Variants in CFAP46 observed in about 807,000 individuals in gnomAD.
The protein encoded by CFAP46 is cilia and flagella associated protein 46.
Under a neutral mutation model 325.7 loss-of-function variants are expected in CFAP46, and 245 were observed. The observed-to-expected ratio is 0.75, with a 90% CI of 0.68 to 0.84. The LOEUF (loss-of-function observed/expected upper bound fraction) is 0.84. Ranked by LOEUF, CFAP46 falls within the 40% of genes least tolerant of loss-of-function variation. The pLI is 0.00. For synonymous variants in CFAP46, 1,523 were observed against 1,495.9 expected, an observed-to-expected ratio of 1.02 and a Z score of -0.42; for missense variants, 3,346 against 3,543.0, an observed-to-expected ratio of 0.94 and a Z score of 1.41.
chr10:132,823,776 GT>G (rs1847954193), intron 50 of CFAP46, among the ~76,000 whole-genome samples: 1 of 104,150 alleles, frequency 9.6e-6, no homozygotes, highest in Non-Finnish European at 2.2e-5. Context: ...GCTGTGTGCT[GT>G]GTGTGCACTG....
intron 33 of CFAP46, among the ~76,000 whole-genome samples, chr10:132,868,546 A>T (rs1288773322): frequency 6.6e-6 from 1 of 152,218 alleles, no homozygotes; most frequent in African/African-American, 2.4e-5. Context: ...CCGCTAAGTG[A>T]AAGGGTATAG....
intron 50 of CFAP46, among the ~76,000 whole-genome samples, chr10:132,824,041 CTGATGTGTGCTG>C (rs2134906211): frequency 9.1e-6 from 1 of 109,352 alleles, no homozygotes; most frequent in South Asian, 3.4e-4. Flanking sequence ...CTGATGTGTG[CTGATGTGTGCTG>C]TGTGTGCTGA....
chr10:132,863,959 C>T (rs561779597), intron 35 of CFAP46, among the ~76,000 whole-genome samples: 3 of 148,096 alleles, frequency 2.0e-5, no homozygotes, highest in Admixed American at 2.0e-4. Flanking sequence ...CTGCACACAC[C>T]TGTCCCTCTG....
At chr10:132,937,500 G>C (rs762173559) in intron 6 of CFAP46, 52 bp downstream of exon 6, 16 of 1,606,752 alleles carry the variant, frequency 1.0e-5, no homozygotes, top group Non-Finnish European at 1.4e-5. Flanking sequence ...TCTGAACAAT[G>C]ACTTTTAAGA....
intron 44 of CFAP46, among the ~76,000 whole-genome samples, chr10:132,837,707 A>ACG (rs1848282966): frequency 6.9e-6 from 1 of 144,820 alleles, no homozygotes; most frequent in African/African-American, 2.6e-5. Flanking sequence ...ATGCACACAC[A>ACG]CAGACATGCA....
At chr10:132,831,807 T>C (rs1265151805) in intron 50 of CFAP46, among the ~76,000 whole-genome samples, 1 of 152,120 alleles carries the variant, frequency 6.6e-6, no homozygotes, top group African/African-American at 2.4e-5. Context: ...CTCTGTTCCC[T>C]TTTTTTCTGT....
At chr10:132,887,283 TCC>T (rs1449866870) in intron 25 of CFAP46, among the ~76,000 whole-genome samples, 2 of 93,300 alleles carry the variant, frequency 2.1e-5, no homozygotes, top group South Asian at 4.4e-4. Context: ...TCCTCTCTCC[TCC>T]CCTCTTCTTT....
In CFAP46 at chr10:132,904,120, C is replaced by T. The variant is rs79791484; in HGVS notation, c.2924+4348G>A. ...GAGTTTCTACACATAATTTTCAAAA[C>T]GGAAAGAAATTAGAATGAAGAACTG... On this transcript the variant is annotated intron_variant, in intron 22 of 57. Coordinates refer to ENST00000368586, the MANE Select transcript of CFAP46 (RefSeq NM_001200049.3). Among the ~76,000 whole-genome samples, 30 of 152,284 alleles carry T rather than the reference C, an allele frequency of 2.0e-4. No homozygotes were observed. The East Asian group carries it at 3.3e-3, about 17-fold the overall frequency.
rs1321699504 is a variant in CFAP46, at chr10:132,934,811, C to A, written c.807G>T (p.Lys269Asn). The change falls in exon 8 of 58, where the codon AAG becomes AAT. Residue 269 changes from lysine to asparagine, a missense_variant. Physicochemically the swap from Lys to Asn is moderately conservative, Grantham distance 94 (BLOSUM62 0). Coordinates refer to ENST00000368586, the MANE Select transcript of CFAP46 (RefSeq NM_001200049.3). The part of the protein sequence containing the change: ...LPGDISVILR[K>N]AYRHLGHYNH... ...TGTAATGACCTAAGTGTCTGTAGGC[C>A]TTCCTCAGAATGACACTGATGTCAC... The A allele has an allele frequency of 1.9e-6, 3 of 1,613,132 alleles. No homozygotes were observed. In the African/African-American group the frequency reaches 4.0e-5, roughly 22 times the overall value.
chr10:132,919,719 C>T lies in CFAP46; in HGVS notation c.1731-277G>A, dbSNP rs937444715. On this transcript the variant is annotated intron_variant, in intron 14 of 57. Transcript: ENST00000368586. The surrounding 1 kb of genome is among the most constrained non-coding windows in gnomAD (Gnocchi z 9.7). Reference sequence around the variant, plus strand: ...ACAATCCACTCCCCGGGGGAGTGCACGGGACAGGCCTCCCGGGGATGGTAC... The same window carrying T: ...ACAATCCACTCCCCGGGGGAGTGCATGGGACAGGCCTCCCGGGGATGGTAC... Among the ~76,000 whole-genome samples the T allele has an allele frequency of 9.2e-5, 14 of 152,094 alleles. No individual in the cohort carries two copies. Among genetic ancestry groups the T allele is most frequent in the Non-Finnish European group, 1.5e-5 (1 of 67,960 alleles).
intron 35 of CFAP46, among the ~76,000 whole-genome samples, chr10:132,864,343 CA>C (rs1301793167): frequency 1.2e-4 from 15 of 127,634 alleles, no homozygotes; most frequent in Admixed American, 1.5e-4. Context: ...CACCTGTCCC[CA>C]GTGCCTGAGA....
intron 32 of CFAP46, chr10:132,872,452 T>C (rs184620258): frequency 0.013 from 7,219 of 540,724 alleles, 128 homozygotes; most frequent in Middle Eastern, 0.053. Flanking sequence ...AGAGATGGGG[T>C]CTTGCTATGT....
In CFAP46 at chr10:132,938,572, C is replaced by T. The variant is rs186435333; in HGVS notation, c.536+17G>A. The T allele has an allele frequency of 3.6e-5, 58 of 1,609,858 alleles. No individual in the cohort carries two copies. In the African/African-American group the frequency reaches 5.3e-4, roughly 15 times the overall value. ...GCCCACCGGGAGGCCACAGAGGGCA[C>T]GGCGAGCTCAACTCACAGCATCAGC... On this transcript the variant is annotated intron_variant, in intron 5 of 57. Coordinates refer to ENST00000368586, the MANE Select transcript of CFAP46 (RefSeq NM_001200049.3).
intron 12 of CFAP46, 41 bp downstream of exon 12, chr10:132,922,439 G>A (rs1564801853): frequency 6.6e-7 from 1 of 1,507,050 alleles, no homozygotes; most frequent in Non-Finnish European, 8.9e-7. Context: ...CCCATGCTGG[G>A]GCTGCAGCAC....
At chr10:132,913,859 G>T (rs1004891081) in intron 17 of CFAP46, among the ~76,000 whole-genome samples, 1 of 150,344 alleles carries the variant, frequency 6.7e-6, no homozygotes, top group African/African-American at 2.5e-5. Flanking sequence ...CGGCCTGCGC[G>T]CTCCACCTGA....
intron 44 of CFAP46, among the ~76,000 whole-genome samples, chr10:132,845,140 A>G (rs906490258): frequency 3.3e-5 from 5 of 152,162 alleles, no homozygotes; most frequent in Admixed American, 2.0e-4. Context: ...CGGCAGGGCC[A>G]TGTGCATCAG....
intron 39 of CFAP46, among the ~76,000 whole-genome samples, chr10:132,855,042 G>T (rs141471084): frequency 1.3e-5 from 2 of 151,766 alleles, no homozygotes; most frequent in Non-Finnish European, 2.9e-5. Context: ...AGGTCATATT[G>T]GTTGGTAGTG....
chr10:132,881,070 G>A (rs1324667240), intron 27 of CFAP46, 38 bp from the exon 28 acceptor site: 3 of 1,527,692 alleles, frequency 2.0e-6, no homozygotes, highest in African/African-American at 2.8e-5. Context: ...TCCTCAGGAT[G>A]GCCCTGAAGG....
intron 27 of CFAP46, among the ~76,000 whole-genome samples, chr10:132,882,748 C>T (rs955913890): frequency 3.3e-5 from 5 of 151,944 alleles, no homozygotes; most frequent in African/African-American, 1.2e-4. Flanking sequence ...GGGAGGAGGA[C>T]GAGGAACCAG....
Sources: gnomAD v4.1 joint callset for allele counts (sites outside exome capture counted in the v4.1 genomes callset) on GRCh38, gnomAD v4.1.1 for gene constraint, Gnocchi (gnomAD v3.1) non-coding constraint, MANE v1.5 for transcripts, NCBI Gene and HGNC (gene_info 2026-07-23, HGNC 2026-07-21) for gene names.